Variants in CMIP observed in about 807,000 individuals in gnomAD.
The protein encoded by CMIP is c-Maf inducing protein, also known as C-Maf-inducing protein.
In CMIP, 13 loss-of-function variants were observed where a neutral mutation model predicts 97.3. The observed-to-expected ratio is 0.13, with a 90% confidence interval of 0.09 to 0.21. CMIP has a LOEUF of 0.21. Ranked by LOEUF, CMIP falls within the 10% of genes least tolerant of loss-of-function variation. The pLI, the probability that CMIP is intolerant of heterozygous loss-of-function variation, is 1.00. For missense variants in CMIP, 847 were observed against 1,024.9 expected (o/e 0.83, Z 2.37); for synonymous variants, 538 against 436.3 (o/e 1.23, Z -2.91).
chr16:81,701,931 A>T, intron 16 of CMIP, 131 bp downstream of exon 16: 1 of 1,087,968 alleles, frequency 9.2e-7, no homozygotes, highest in South Asian at 1.4e-5. Flanking sequence ...AAACCCCAGA[A>T]ATTGGTATTA....
intron 18 of CMIP, 92 bp downstream of exon 18, chr16:81,704,177 C>T (rs1222590734): frequency 6.2e-6 from 7 of 1,121,426 alleles, no homozygotes; most frequent in Non-Finnish European, 7.6e-6. Flanking sequence ...TTCCTTTCCC[C>T]TCAGCCTCCT....
rs543916103 is a variant in CMIP, at chr16:81,602,717, G to A, written c.301-4850G>A. Reference sequence around the variant, plus strand: ...TTAACGTTTAGGAAAAAAATTTTTCGTCTGCTTATTGTTCTCTTAGCTGTA... The same window carrying A: ...TTAACGTTTAGGAAAAAAATTTTTCATCTGCTTATTGTTCTCTTAGCTGTA... On this transcript the variant is annotated intron_variant, in intron 1 of 20. Transcript: ENST00000537098. Among the ~76,000 whole-genome samples, 465 of 152,232 alleles carry A rather than the reference G, an allele frequency of 3.1e-3. 2 individuals are homozygous for A. The highest frequency in any genetic ancestry group is 0.01 in the African/African-American group (436 of 41,540).
intron 1 of CMIP, among the ~76,000 whole-genome samples, chr16:81,542,493 C>T (rs914717663): frequency 1.3e-5 from 2 of 152,154 alleles, no homozygotes; most frequent in African/African-American, 4.8e-5. Context: ...GGAATAGGGT[C>T]TGCAGGAGTG....
chr16:81,522,142 C>G (rs986911402), intron 1 of CMIP, among the ~76,000 whole-genome samples: 1 of 152,202 alleles, frequency 6.6e-6, no homozygotes, highest in Non-Finnish European at 1.5e-5. Context: ...ATCTTTGCTT[C>G]TAGCTGGAAT....
At chr16:81,579,223 G>A (rs2091254569) in intron 1 of CMIP, among the ~76,000 whole-genome samples, 1 of 152,202 alleles carries the variant, frequency 6.6e-6, no homozygotes, top group Non-Finnish European at 1.5e-5. Context: ...GAAGATGAAG[G>A]TGAAGGGTGG....
At chr16:81,556,044 CT>C (rs2090756630) in intron 1 of CMIP, among the ~76,000 whole-genome samples, 3 of 152,216 alleles carry the variant, frequency 2.0e-5, no homozygotes, top group Admixed American at 6.5e-5. Context: ...ACCGTCTTCT[CT>C]GTCTGAAGCC....
chr16:81,624,129 GAAA>G (rs5818342), intron 3 of CMIP, among the ~76,000 whole-genome samples: 6 of 143,686 alleles, frequency 4.2e-5, no homozygotes, highest in Admixed American at 1.4e-4. Context: ...GTCTTTAACT[GAAA>G]AAAAAAAAAA....
intron 3 of CMIP, among the ~76,000 whole-genome samples, chr16:81,647,836 C>G (rs1296240461): frequency 6.6e-6 from 1 of 152,072 alleles, no homozygotes; most frequent in African/African-American, 2.4e-5. Flanking sequence ...TGTGGCCACC[C>G]TGACCTGGGG....
At chr16:81,661,405 A>T (rs2092544921) in intron 6 of CMIP, among the ~76,000 whole-genome samples, 1 of 152,390 alleles carries the variant, frequency 6.6e-6, no homozygotes, top group Middle Eastern at 3.4e-3. Context: ...CCAGCCTTGC[A>T]GTGGGATTCA....
intron 7 of CMIP, among the ~76,000 whole-genome samples, chr16:81,669,841 GCT>G (rs2092664664): frequency 6.6e-6 from 1 of 152,126 alleles, no homozygotes; most frequent in Non-Finnish European, 1.5e-5. Context: ...AGCCTTTCTG[GCT>G]CTCTTTTCTC....
intron 6 of CMIP, 118 bp from the exon 7 acceptor site, chr16:81,664,151 C>A: frequency 1.2e-6 from 1 of 851,010 alleles, no homozygotes; most frequent in Non-Finnish European, 1.8e-6. Flanking sequence ...CAGCCGTGTT[C>A]ATCAAGGGAA....
chr16:81,559,496 C>T (rs1426199973), intron 1 of CMIP, among the ~76,000 whole-genome samples: 2 of 152,186 alleles, frequency 1.3e-5, no homozygotes, highest in East Asian at 1.9e-4. Flanking sequence ...AAACAGATAA[C>T]AGCCATGCAC....
intron 10 of CMIP, 97 bp downstream of exon 10, chr16:81,678,725 G>A (rs1379172483): frequency 4.7e-6 from 3 of 632,148 alleles, no homozygotes; most frequent in Non-Finnish European, 8.4e-6. Context: ...GAGCTACGCA[G>A]GGCCGGGCAT....
At chr16:81,522,567 C>T (rs1054142243) in intron 1 of CMIP, among the ~76,000 whole-genome samples, 1 of 152,212 alleles carries the variant, frequency 6.6e-6, no homozygotes, top group Non-Finnish European at 1.5e-5. Flanking sequence ...ATTTAGCATA[C>T]CCAATCAGTA....
chr16:81,555,828 A>G (rs2090751703), intron 1 of CMIP, among the ~76,000 whole-genome samples: 1 of 152,056 alleles, frequency 6.6e-6, no homozygotes, highest in African/African-American at 2.4e-5. Flanking sequence ...GTTGGGGGAG[A>G]CTGATTCCTG....
chr16:81,670,104 A>G (rs1363301307), intron 7 of CMIP, 38 bp from the exon 8 acceptor site: 4 of 1,575,200 alleles, frequency 2.5e-6, no homozygotes, highest in East Asian at 2.3e-5. Flanking sequence ...TGCCCTGCCT[A>G]GCACCGTCCC....
At chr16:81,650,349 C>T (rs1320133931) in intron 3 of CMIP, among the ~76,000 whole-genome samples, 1 of 151,828 alleles carries the variant, frequency 6.6e-6, no homozygotes, top group South Asian at 2.1e-4. Flanking sequence ...GGTGAATGGG[C>T]AAAGAATAGT....
intron 1 of CMIP, among the ~76,000 whole-genome samples, chr16:81,562,191 T>C (rs2090896124): frequency 6.6e-6 from 1 of 152,238 alleles, no homozygotes; most frequent in Non-Finnish European, 1.5e-5. Context: ...TTGAGTGAGC[T>C]GTGGTCTGTG....
chr16:81,482,179 C>A (rs1403339068), intron 1 of CMIP, among the ~76,000 whole-genome samples: 2 of 152,048 alleles, frequency 1.3e-5, no homozygotes, highest in Non-Finnish European at 2.9e-5. Flanking sequence ...GGGCCTGTCC[C>A]TGCCGCCTCT....
Sources: gnomAD v4.1 joint callset for allele counts (sites outside exome capture counted in the v4.1 genomes callset) on GRCh38, gnomAD v4.1.1 for gene constraint, MANE v1.5 for transcripts, NCBI Gene and HGNC (gene_info 2026-07-23, HGNC 2026-07-21) for gene names.